The following MED13L variants were observed in gnomAD, a reference collection of about 807,000 sequenced individuals.
The protein encoded by MED13L is mediator of RNA polymerase II transcription subunit 13-like.
In MED13L, 7 loss-of-function variants were observed where a neutral mutation model predicts 220.9. The ratio of observed to expected loss-of-function variants is 0.03; its 90% confidence interval spans 0.02 to 0.06. The LOEUF (loss-of-function observed/expected upper bound fraction) is 0.06, where lower values mean the gene tolerates loss of function less well. Among genes scored for constraint, MED13L ranks in the 10% least tolerant of loss-of-function variants. The probability of loss-of-function intolerance (pLI) is 1.00; values close to 1 mark genes in which losing one functional copy is unlikely to be tolerated. For missense variants in MED13L, 1,965 were observed against 2,760.5 expected, an observed-to-expected ratio of 0.71 and a Z score of 6.46; for synonymous variants, 1,011 against 1,015.2, an observed-to-expected ratio of 1.00 and a Z score of 0.08.
chr12:116,001,734 C>T (rs899331539), intron 14 of MED13L, among the ~76,000 whole-genome samples: 6 of 152,148 alleles, frequency 3.9e-5, no homozygotes, highest in African/African-American at 1.2e-4. Context: ...ATATTCTGTG[C>T]TACATTTCAT....
chr12:116,244,879 G>T (rs1870969254), intron 1 of MED13L, among the ~76,000 whole-genome samples: 1 of 152,190 alleles, frequency 6.6e-6, no homozygotes, highest in African/African-American at 2.4e-5. Flanking sequence ...TTGAGCCTGG[G>T]AGGCTGAGGC....
chr12:116,077,471 C>T (rs1870893668), intron 4 of MED13L, among the ~76,000 whole-genome samples: 1 of 152,018 alleles, frequency 6.6e-6, no homozygotes, highest in African/African-American at 2.4e-5. Flanking sequence ...TCTTTATATT[C>T]AGTTGACAGT....
In MED13L at chr12:116,111,507, C is replaced by G; in HGVS notation, c.316G>C (p.Glu106Gln). 6.2e-7 allele frequency: 1 copy of G among 1,600,742 alleles called. No homozygotes were observed. Among genetic ancestry groups the G allele is most frequent in the Non-Finnish European group, 8.5e-7 (1 of 1,175,766 alleles). ...GVIHHELQVV[E>Q]EGLWENGLSY... ...AGGCCATTTTCCCAGAGTCCTTCTT[C>G]CACAACTGAAAAAAAAAAGAAAAAA... Residue 106 changes from glutamate (E) to glutamine (Q), a missense_variant, in exon 3 of 31, where the codon GAA becomes CAA. By Grantham distance (29) the Glu-to-Gln change is conservative (BLOSUM62 2). Around this residue, in one of 10 missense-constraint regions of MED13L, gnomAD observed 818 missense variants for 1,041.2 expected, o/e 0.79. Transcript: ENST00000281928.
chr12:116,270,520 A>G (rs1215764382), intron 1 of MED13L, among the ~76,000 whole-genome samples: 1 of 152,200 alleles, frequency 6.6e-6, no homozygotes, highest in African/African-American at 2.4e-5. Context: ...TATCAACTAA[A>G]GCAAAGACAG....
intron 4 of MED13L, among the ~76,000 whole-genome samples, chr12:116,042,439 G>A (rs1881589988): frequency 6.6e-6 from 1 of 152,146 alleles, no homozygotes; most frequent in South Asian, 2.1e-4. Context: ...TCCCATACAG[G>A]CTGATTACTC....
At position 116,258,918 on chromosome 12, in the gene MED13L, GTTT is replaced by G. The variant is rs768787146; in HGVS notation, c.72+18139_72+18141del. Among the ~76,000 whole-genome samples, 11 of 138,198 alleles carry G rather than the reference GTTT, an allele frequency of 8.0e-5. No homozygotes were observed. In the South Asian group the frequency reaches 1.8e-3, roughly 23 times the overall value. 90.7% of individuals were successfully genotyped at this position (138,198 alleles called of 152,430 possible). A position where few individuals can be genotyped will look rare whatever the true frequency, so the allele number is the denominator to read the frequency against. On this transcript the variant is annotated intron_variant, in intron 1 of 30. Transcript: ENST00000281928. ...AAAATTGAAAATTTAAATATTGAGG[GTTT>G]TTTTTTTTTTTTGTAGAGGCAGAAG... is the stretch of plus-strand genomic sequence containing the variant.
chr12:116,010,972 G>C (rs934223219), intron 9 of MED13L, among the ~76,000 whole-genome samples: 1 of 151,856 alleles, frequency 6.6e-6, no homozygotes, highest in African/African-American at 2.4e-5. Flanking sequence ...CGCCTCCCGG[G>C]TTCAAGCAAT....
chr12:116,260,608 A>T (rs1872442117), intron 1 of MED13L, among the ~76,000 whole-genome samples: 1 of 152,200 alleles, frequency 6.6e-6, no homozygotes, highest in Non-Finnish European at 1.5e-5. Flanking sequence ...AAAGAATAGA[A>T]TGATAGGAAC....
At chr12:116,035,583 T>C (rs575435030) in intron 4 of MED13L, among the ~76,000 whole-genome samples, 1 of 152,142 alleles carries the variant, frequency 6.6e-6, no homozygotes, top group South Asian at 2.1e-4. Flanking sequence ...ACTATATTCT[T>C]ATTAATTAAT....
intron 4 of MED13L, among the ~76,000 whole-genome samples, chr12:116,061,404 T>G (rs1869468967): frequency 1.3e-5 from 2 of 152,150 alleles, no homozygotes; most frequent in African/African-American, 4.8e-5. Context: ...GGTTATACAA[T>G]TAGGCAGAAC....
intron 2 of MED13L, among the ~76,000 whole-genome samples, chr12:116,223,305 G>A (rs2138401016): frequency 6.6e-6 from 1 of 152,100 alleles, no homozygotes; most frequent in African/African-American, 2.4e-5. Context: ...TTGGTCAAAT[G>A]CTCAAACTAC....
chr12:116,216,041 T>C (rs1448598657), intron 2 of MED13L, among the ~76,000 whole-genome samples: 1 of 152,222 alleles, frequency 6.6e-6, no homozygotes, highest in Non-Finnish European at 1.5e-5. Flanking sequence ...TTCTCTTTAT[T>C]ACAACCTCTC....
intron 4 of MED13L, among the ~76,000 whole-genome samples, chr12:116,071,747 G>A (rs1188233778): frequency 6.6e-6 from 1 of 152,192 alleles, no homozygotes; most frequent in Non-Finnish European, 1.5e-5. Flanking sequence ...CATTACATAT[G>A]TATATGCACC....
In MED13L at chr12:115,963,960, G is replaced by A. The variant is rs11067868; in HGVS notation, c.6388-441C>T. On this transcript the variant is annotated intron_variant, in intron 29 of 30. Coordinates refer to ENST00000281928, the MANE Select transcript of MED13L (RefSeq NM_015335.5). ...AAAATAGCTGGGCATGGTGGTGTGT[G>A]CCTGTAGTCCCAGCTACTCAGAAGG... Among the ~76,000 whole-genome samples the A allele has an allele frequency of 4.6e-5, 7 of 152,122 alleles. No individual in the cohort carries two copies. The East Asian group carries it at 1.4e-3, about 29-fold the overall frequency.
At chr12:116,261,257 A>G (rs985622378) in intron 1 of MED13L, among the ~76,000 whole-genome samples, 54 of 152,230 alleles carry the variant, frequency 3.5e-4, no homozygotes, top group African/African-American at 1.2e-3. Context: ...GCACTTTGGG[A>G]GGCCAAGGCA....
chr12:116,167,139 A>G (rs552848289), intron 2 of MED13L, among the ~76,000 whole-genome samples: 34 of 152,296 alleles, frequency 2.2e-4, no homozygotes, highest in African/African-American at 7.2e-4. Context: ...AAAGAGATAG[A>G]CAAATTGATT....
chr12:115,979,152 A>G (rs780308899), intron 23 of MED13L, among the ~76,000 whole-genome samples: 1 of 152,246 alleles, frequency 6.6e-6, no homozygotes, highest in Non-Finnish European at 1.5e-5. Flanking sequence ...GCAAATATTT[A>G]TAACATTTGG....
chr12:116,178,935 A>C (rs1880283678), intron 2 of MED13L, among the ~76,000 whole-genome samples: 1 of 152,210 alleles, frequency 6.6e-6, no homozygotes, highest in South Asian at 2.1e-4. Flanking sequence ...TAGCAAATCA[A>C]AGTGTATTAG....
chr12:116,258,522 A>G (rs1872237373), intron 1 of MED13L, among the ~76,000 whole-genome samples: 1 of 152,160 alleles, frequency 6.6e-6, no homozygotes, highest in South Asian at 2.1e-4. Context: ...CACACCTGTA[A>G]TCCCAGCACT....
Sources: gnomAD v4.1 joint callset for allele counts (sites outside exome capture counted in the v4.1 genomes callset) on GRCh38, gnomAD v4.1.1 for gene constraint, gnomAD v4.1.1 regional missense constraint, MANE v1.5 for transcripts, NCBI Gene and HGNC (gene_info 2026-07-23, HGNC 2026-07-21) for gene names.